SOAT1: variants seen among roughly 807,000 people sequenced by gnomAD.
The protein encoded by SOAT1 is sterol O-acyltransferase 1.
In SOAT1, 55 loss-of-function variants were observed where a neutral mutation model predicts 69.5. That is an observed-to-expected ratio of 0.79 (90% confidence interval 0.64 to 0.99). The LOEUF (loss-of-function observed/expected upper bound fraction) is 0.99. Ranked by LOEUF, SOAT1 falls within the 50% of genes least tolerant of loss-of-function variation. The pLI is 0.00. For missense variants in SOAT1, 580 were observed against 669.3 expected (o/e 0.87, Z 1.47); for synonymous variants, 231 against 224.7 (o/e 1.03, Z -0.25).
rs1666389930 is a variant in SOAT1, at chr1:179,342,898, A to C, written c.896A>C (p.Tyr299Ser). ...VPIPTVNQYL[Y>S]FLFAPTLIYR... ...ATACCTACAGTCAACCAGTATTTGT[A>C]CTTCTTATTTGCTCCTACCCTTATC... is the stretch of plus-strand genomic sequence containing the variant. Residue 299 changes from tyrosine to serine, a missense_variant, in exon 9 of 16, where the codon TAC becomes TCC. Coordinates refer to ENST00000367619, the MANE Select transcript of SOAT1 (RefSeq NM_003101.6). The C allele has an allele frequency of 6.2e-7, 1 of 1,613,696 alleles. No individual in the cohort carries two copies. Among genetic ancestry groups the C allele is most frequent in the South Asian group, 1.1e-5 (1 of 91,074 alleles).
intron 2 of SOAT1, among the ~76,000 whole-genome samples, chr1:179,319,333 G>A (rs561802692): frequency 1.3e-4 from 20 of 149,114 alleles, no homozygotes; most frequent in African/African-American, 4.9e-4. Flanking sequence ...GCAATGGCGC[G>A]ATCTCGGCTC....
chr1:179,312,351 A>G (rs1006965854), intron 2 of SOAT1, among the ~76,000 whole-genome samples: 9 of 152,196 alleles, frequency 5.9e-5, no homozygotes, highest in African/African-American at 2.2e-4. Context: ...AGATAGAAAT[A>G]ATGACAGAGG....
intron 2 of SOAT1, among the ~76,000 whole-genome samples, chr1:179,304,273 T>C (rs1020691131): frequency 6.6e-6 from 1 of 151,106 alleles, no homozygotes; most frequent in African/African-American, 2.4e-5. Context: ...TGCCCTTTCT[T>C]TCTCTCCTTT....
chr1:179,341,461 C>G lies in SOAT1; in HGVS notation c.780+151C>G. 3 of 744,990 alleles carry G rather than the reference C, an allele frequency of 4.0e-6. No individual in the cohort carries two copies. The South Asian group carries it at 6.0e-5, about 15-fold the overall frequency. 46.1% of individuals were successfully genotyped at this position (744,990 alleles called of 1,614,324 possible). ...TGCCATTATCTGTAAAATTGTTAAA[C>G]TAGAATCATCTCACCTCTTAAGTTT... is the stretch of plus-strand genomic sequence containing the variant. On this transcript the variant is annotated intron_variant, in intron 7 of 15. Coordinates refer to ENST00000367619, the MANE Select transcript of SOAT1 (RefSeq NM_003101.6).
At chr1:179,324,795 G>A (rs1275580994) in intron 3 of SOAT1, among the ~76,000 whole-genome samples, 1 of 122,810 alleles carries the variant, frequency 8.1e-6, no homozygotes, top group African/African-American at 2.7e-5. Flanking sequence ...ATAGACACAT[G>A]CTAGTTTGTT....
intron 13 of SOAT1, among the ~76,000 whole-genome samples, chr1:179,350,062 C>T (rs903197085): frequency 5.9e-5 from 9 of 152,038 alleles, no homozygotes; most frequent in Admixed American, 4.6e-4. Context: ...AACTTACAAA[C>T]ATAAGTTATT....
rs1664539887 is a variant in SOAT1 at position 179,293,954 on chromosome 1, G to A, written c.-9+18G>A. On this transcript the variant is annotated intron_variant, in intron 1 of 15. Transcript: ENST00000367619. ...GGCCTCAGGTAACGGTGGTGCTCCC[G>A]CGCCTCTCCTCGCTTCCCGCTTGGG... is the stretch of plus-strand genomic sequence containing the variant. 6.6e-6 allele frequency: 1 copy of A among 152,460 alleles called. No individual in the cohort carries two copies. Among genetic ancestry groups the A allele is most frequent in the Non-Finnish European group, 1.5e-5 (1 of 68,140 alleles). 9.4% of individuals were successfully genotyped at this position (152,460 alleles called of 1,614,324 possible). A position where few individuals can be genotyped will look rare whatever the true frequency, so the allele number is the denominator to read the frequency against.
chr1:179,352,791 A>G (rs538579844), intron 15 of SOAT1, among the ~76,000 whole-genome samples: 3 of 151,788 alleles, frequency 2.0e-5, no homozygotes, highest in Non-Finnish European at 4.4e-5. Context: ...TGTGTACCCT[A>G]TGTCTGTTAG....
In SOAT1 at chr1:179,353,749, C is replaced by A; in HGVS notation, c.*108C>A. 1.1e-6 allele frequency: 1 copy of A among 920,328 alleles called. No homozygotes were observed. The highest frequency in any genetic ancestry group is 1.7e-6 in the Non-Finnish European group (1 of 578,582). 57.0% of individuals were successfully genotyped at this position (920,328 alleles called of 1,614,324 possible). On this transcript the variant is annotated 3_prime_UTR_variant, in exon 16 of 16. Transcript: ENST00000367619. ...AGTTATCTGTGTTATTTGGACCACTCCAGGCTTTACAGATGACTCACTCCA... is the reference window on the plus strand; with the variant it reads ...AGTTATCTGTGTTATTTGGACCACTACAGGCTTTACAGATGACTCACTCCA...
At chr1:179,325,930 A>G (rs531668168) in intron 3 of SOAT1, among the ~76,000 whole-genome samples, 1 of 152,214 alleles carries the variant, frequency 6.6e-6, no homozygotes, top group Non-Finnish European at 1.5e-5. Flanking sequence ...AAAGTAATGA[A>G]TGAAATAAGG....
intron 2 of SOAT1, among the ~76,000 whole-genome samples, chr1:179,306,859 A>AC (rs1156685038): frequency 6.7e-6 from 1 of 148,208 alleles, no homozygotes; most frequent in Non-Finnish European, 1.5e-5. Flanking sequence ...AAGCAGCACC[A>AC]CCATATGCTG....
At chr1:179,325,516 G>T (rs1246737836) in intron 3 of SOAT1, among the ~76,000 whole-genome samples, 1 of 152,116 alleles carries the variant, frequency 6.6e-6, no homozygotes, top group African/African-American at 2.4e-5. Flanking sequence ...CTCTAGTCAG[G>T]CAGGATACCT....
intron 3 of SOAT1, among the ~76,000 whole-genome samples, chr1:179,324,469 A>G (rs1239137271): frequency 1.3e-5 from 2 of 152,198 alleles, no homozygotes; most frequent in South Asian, 2.1e-4. Context: ...TCCTGTAGGC[A>G]TATTTGTGAT....
At chr1:179,311,022 A>G (rs1665202399) in intron 2 of SOAT1, among the ~76,000 whole-genome samples, 1 of 152,064 alleles carries the variant, frequency 6.6e-6, no homozygotes, top group Admixed American at 6.6e-5. Context: ...TGGCCATGTG[A>G]CAGTGTACAA....
At chr1:179,310,435 C>A (rs1359542609) in intron 2 of SOAT1, among the ~76,000 whole-genome samples, 1 of 152,126 alleles carries the variant, frequency 6.6e-6, no homozygotes, top group Non-Finnish European at 1.5e-5. Flanking sequence ...TATGAACATG[C>A]ACTAATCCAC....
At chr1:179,299,619 C>T (rs367905422) in intron 1 of SOAT1, among the ~76,000 whole-genome samples, 14 of 151,836 alleles carry the variant, frequency 9.2e-5, no homozygotes, top group East Asian at 5.8e-4. Flanking sequence ...ATGTAAAACA[C>T]ATAAGCACTA....
At position 179,319,285 on chromosome 1, in the gene SOAT1, T is replaced by A. The variant is rs865790207; in HGVS notation, c.119-4152T>A. On this transcript the variant is annotated intron_variant, in intron 2 of 15. Coordinates refer to ENST00000367619, the MANE Select transcript of SOAT1 (RefSeq NM_003101.6). ...ACTTTGCCTTTTTTTTTTTTTTTTT[T>A]AAAAGACAGAGTCTCGCTGTGTCAC... is the stretch of plus-strand genomic sequence containing the variant. 2.3e-3 allele frequency among the ~76,000 whole-genome samples: 352 copies of A among 149,912 alleles called. 1 individual carries two copies. The highest frequency in any genetic ancestry group is 0.021 in the Middle Eastern group (6 of 292).
intron 1 of SOAT1, among the ~76,000 whole-genome samples, chr1:179,302,340 T>C (rs1045324146): frequency 6.6e-6 from 1 of 152,236 alleles, no homozygotes; most frequent in African/African-American, 2.4e-5. Context: ...CATCTCTAAC[T>C]GTAATCACCA....
chr1:179,353,199 T>TTATATATATATTTA (rs1666793905), intron 15 of SOAT1, among the ~76,000 whole-genome samples: 2 of 11,994 alleles, frequency 1.7e-4, no homozygotes, highest in East Asian at 6.3e-3. Flanking sequence ...TAAATGGTGG[T>TTATATATATATTTA]TATATATAAA....
Sources: gnomAD v4.1 joint callset for allele counts (sites outside exome capture counted in the v4.1 genomes callset) on GRCh38, gnomAD v4.1.1 for gene constraint, MANE v1.5 for transcripts, NCBI Gene and HGNC (gene_info 2026-07-23, HGNC 2026-07-21) for gene names.